The following DYNC2H1 variants were observed in gnomAD, a reference collection of about 807,000 sequenced individuals.
The protein encoded by DYNC2H1 is cytoplasmic dynein 2 heavy chain 1.
DYNC2H1 carries 410 observed loss-of-function variants against 570.0 expected under a neutral mutation model. That is an observed-to-expected ratio of 0.72 (90% CI 0.66 to 0.78). The LOEUF (loss-of-function observed/expected upper bound fraction) is 0.78, where lower values mean the gene tolerates loss of function less well. Among genes scored for constraint, DYNC2H1 ranks in the 30% least tolerant of loss-of-function variants. The pLI is 0.00. For missense variants in DYNC2H1, 4,865 were observed against 5,046.4 expected (o/e 0.96, Z 1.09); for synonymous variants, 1,688 against 1,677.6 (o/e 1.01, Z -0.15).
chr11:103,114,896 G>A (rs1273207355), intron 3 of DYNC2H1, among the ~76,000 whole-genome samples: 2 of 151,928 alleles, frequency 1.3e-5, no homozygotes, highest in Non-Finnish European at 2.9e-5. Flanking sequence ...TTGTGCTTTG[G>A]AACACTAGAC....
At chr11:103,301,792 GTTTA>G (rs1045667891) in intron 75 of DYNC2H1, among the ~76,000 whole-genome samples, 1 of 151,808 alleles carries the variant, frequency 6.6e-6, no homozygotes, top group Non-Finnish European at 1.5e-5. Context: ...ATAACACAGA[GTTTA>G]TATTTTAAAG....
intron 39 of DYNC2H1, among the ~76,000 whole-genome samples, chr11:103,180,719 G>T (rs185676253): frequency 6.6e-6 from 1 of 151,428 alleles, no homozygotes; most frequent in Non-Finnish European, 1.5e-5. Flanking sequence ...AAGCAGTGTT[G>T]TATTGGATAA....
intron 84 of DYNC2H1, among the ~76,000 whole-genome samples, chr11:103,424,211 T>C (rs1416806281): frequency 6.6e-6 from 1 of 152,042 alleles, no homozygotes; most frequent in African/African-American, 2.4e-5. Flanking sequence ...ACCCACTAAA[T>C]CATACACTCT....
intron 47 of DYNC2H1, among the ~76,000 whole-genome samples, chr11:103,195,208 G>A (rs1862472137): frequency 6.6e-6 from 1 of 152,154 alleles, no homozygotes; most frequent in Admixed American, 6.5e-5. Flanking sequence ...TTCATCGTAA[G>A]GATCTGTTGA....
rs573610596 is a variant in DYNC2H1 at position 103,205,110 on chromosome 11, C to T, written c.8454+146C>T. The T allele has an allele frequency of 2.3e-5, 17 of 750,502 alleles. No individual in the cohort carries two copies. Among genetic ancestry groups the T allele is most frequent in the South Asian group, 2.2e-4 (10 of 45,538 alleles). 46.5% of individuals were successfully genotyped at this position (750,502 alleles called of 1,614,324 possible). On this transcript the variant is annotated intron_variant, in intron 52 of 88. Transcript: ENST00000375735. The surrounding 1 kb of genome is among the most constrained non-coding windows in gnomAD (Gnocchi z 4.5). ...TATGTTTGGAAATGTCTGTTTTCTTCGTACTCTTGCATCATAATTTAGTTG... is the reference window on the plus strand; with the variant it reads ...TATGTTTGGAAATGTCTGTTTTCTTTGTACTCTTGCATCATAATTTAGTTG...
intron 85 of DYNC2H1, among the ~76,000 whole-genome samples, chr11:103,449,167 G>A (rs982458484): frequency 6.6e-6 from 1 of 152,170 alleles, no homozygotes; most frequent in African/African-American, 2.4e-5. Flanking sequence ...GGTTTTTTGA[G>A]AAAGGGCGGC....
At chr11:103,430,844 C>T (rs964102526) in intron 84 of DYNC2H1, among the ~76,000 whole-genome samples, 10 of 152,100 alleles carry the variant, frequency 6.6e-5, no homozygotes, top group Non-Finnish European at 2.9e-5. Context: ...CCATTCTACG[C>T]AGTTTGAATT....
intron 87 of DYNC2H1, among the ~76,000 whole-genome samples, chr11:103,462,449 C>A (rs1426696597): frequency 6.6e-6 from 1 of 152,088 alleles, no homozygotes; most frequent in Non-Finnish European, 1.5e-5. Context: ...GCAGTGACAG[C>A]CTCATTCCTC....
chr11:103,420,827 C>T (rs1943461565), intron 84 of DYNC2H1, among the ~76,000 whole-genome samples: 1 of 152,108 alleles, frequency 6.6e-6, no homozygotes. Flanking sequence ...AACAAGTATG[C>T]AAAATAACCA....
rs114880564 is a variant in DYNC2H1, at chr11:103,395,845, C to T, written c.12157-3818C>T. 3.1e-3 allele frequency among the ~76,000 whole-genome samples: 465 copies of T among 152,116 alleles called. 3 individuals carry two copies. Among genetic ancestry groups the T allele is most frequent in the African/African-American group, 0.01 (430 of 41,502 alleles). ...GACTTGGGAAAGGCTTCTGCCCAGA[C>T]GATAGGAAATGATTATCTAAAGAGG... On this transcript the variant is annotated intron_variant, in intron 83 of 88. Coordinates refer to ENST00000375735, the MANE Select transcript of DYNC2H1 (RefSeq NM_001377.3). The surrounding 1 kb of genome is among the most constrained non-coding windows in gnomAD (Gnocchi z 4.3).
intron 70 of DYNC2H1, among the ~76,000 whole-genome samples, chr11:103,278,586 C>T (rs539262203): frequency 6.0e-5 from 9 of 151,010 alleles, no homozygotes; most frequent in Admixed American, 3.3e-4. Context: ...TTTTTTGACA[C>T]GGAGTTTCAC....
chr11:103,129,139 T>C lies in DYNC2H1; in HGVS notation c.1953+134T>C. 1.6e-6 allele frequency: 1 copy of C among 645,132 alleles called. No individual in the cohort carries two copies. Among genetic ancestry groups the C allele is most frequent in the Non-Finnish European group, 2.5e-6 (1 of 394,892 alleles). The allele number at this position is 645,132 out of a possible 1,614,324, so 40.0% of individuals were successfully genotyped here. A position where few individuals can be genotyped will look rare whatever the true frequency, so the allele number is the denominator to read the frequency against. On this transcript the variant is annotated intron_variant, in intron 13 of 88. Transcript: ENST00000375735. The surrounding 1 kb of genome is among the most constrained non-coding windows in gnomAD (Gnocchi z 4.1). ...TTTTGCTTCCAGGGACTTCCTTCAA[T>C]CTTAGCAAGTAAAATTATTTTTTCT...
chr11:103,323,214 G>C (rs1387178306), intron 81 of DYNC2H1, among the ~76,000 whole-genome samples: 1 of 152,138 alleles, frequency 6.6e-6, no homozygotes. Context: ...GTTTTTGCCT[G>C]CACTTAGTTT....
intron 40 of DYNC2H1, among the ~76,000 whole-genome samples, chr11:103,183,308 T>C (rs1861930664): frequency 6.6e-6 from 1 of 151,848 alleles, no homozygotes; most frequent in Non-Finnish European, 1.5e-5. Context: ...AATCTGCTCA[T>C]AGATGTGTGA....
At chr11:103,158,326 G>C (rs1190084066) in intron 26 of DYNC2H1, among the ~76,000 whole-genome samples, 1 of 152,196 alleles carries the variant, frequency 6.6e-6, no homozygotes, top group Non-Finnish European at 1.5e-5. Context: ...GCGGGTGCCT[G>C]TATTCCCAGC....
At chr11:103,459,884 G>A (rs1339481470) in intron 87 of DYNC2H1, among the ~76,000 whole-genome samples, 6 of 148,914 alleles carry the variant, frequency 4.0e-5, no homozygotes, top group African/African-American at 1.5e-4. Flanking sequence ...CCCGGGAAGC[G>A]GAGCTTGCAG....
In DYNC2H1 at chr11:103,153,006, A is replaced by T. The variant is rs638878; in HGVS notation, c.3097-297A>T. On this transcript the variant is annotated intron_variant, in intron 21 of 88. Coordinates refer to ENST00000375735, the MANE Select transcript of DYNC2H1 (RefSeq NM_001377.3). ...TCAGCAGTCATCAAACAAACATTTTAAAATTATCTTACCTTTGTTGTTAGT... is the reference window on the plus strand; with the variant it reads ...TCAGCAGTCATCAAACAAACATTTTTAAATTATCTTACCTTTGTTGTTAGT... 0.91 allele frequency among the ~76,000 whole-genome samples: 138,972 copies of T among 152,214 alleles called. 63,504 individuals are homozygous for T. Among genetic ancestry groups the T allele is most frequent in the Admixed American group, 0.93 (14,176 of 15,266 alleles).
intron 84 of DYNC2H1, among the ~76,000 whole-genome samples, chr11:103,417,449 C>T (rs958152403): frequency 6.6e-6 from 1 of 152,048 alleles, no homozygotes; most frequent in Non-Finnish European, 1.5e-5. Context: ...AGGTGAAAAC[C>T]CTTCACAAAT....
intron 82 of DYNC2H1, among the ~76,000 whole-genome samples, chr11:103,340,585 G>T (rs117085039): frequency 2.1e-3 from 323 of 152,208 alleles, no homozygotes; most frequent in Non-Finnish European, 3.8e-3. Context: ...CATTTCTTCA[G>T]TATTATTCAA....
Sources: gnomAD v4.1 joint callset for allele counts (sites outside exome capture counted in the v4.1 genomes callset) on GRCh38, gnomAD v4.1.1 for gene constraint, Gnocchi (gnomAD v3.1) non-coding constraint, MANE v1.5 for transcripts, NCBI Gene and HGNC (gene_info 2026-07-23, HGNC 2026-07-21) for gene names.